Variants in ABCA4 observed in about 807,000 individuals in gnomAD.
The protein encoded by ABCA4 is retinal-specific phospholipid-transporting ATPase ABCA4.
ABCA4 carries 196 observed loss-of-function variants against 263.7 expected under a neutral mutation model. That is an observed-to-expected ratio of 0.74 (90% confidence interval 0.66 to 0.84). The LOEUF (loss-of-function observed/expected upper bound fraction) is 0.84. Among genes scored for constraint, ABCA4 ranks in the 40% least tolerant of loss-of-function variants. The pLI is 0.00. For synonymous variants in ABCA4, 1,133 were observed against 1,094.2 expected, an observed-to-expected ratio of 1.04 and a Z score of -0.70; for missense variants, 2,792 against 2,855.1, an observed-to-expected ratio of 0.98 and a Z score of 0.50.
intron 1 of ABCA4, among the ~76,000 whole-genome samples, chr1:94,113,890 G>T (rs1662675683): frequency 6.6e-6 from 1 of 152,250 alleles, no homozygotes; most frequent in African/African-American, 2.4e-5. Flanking sequence ...AGATCCAGTG[G>T]CTGTGGCAGT....
rs767421503 is a variant in ABCA4 at position 94,041,451 on chromosome 1, A to C, written c.3329-49T>G. On this transcript the variant is annotated intron_variant, in intron 22 of 49. Coordinates refer to ENST00000370225, the MANE Select transcript of ABCA4 (RefSeq NM_000350.3). ...TCACCAGGCCTGCCCTGGGTTGGGC[A>C]TTGTTGGTAAAGGGTGTACAGCAAT... 1.6e-4 allele frequency: 259 copies of C among 1,603,778 alleles called. 1 individual carries two copies. Among genetic ancestry groups the C allele is most frequent in the Non-Finnish European group, 2.1e-4 (246 of 1,172,424 alleles).
At chr1:94,112,355 G>A (rs919186087) in intron 2 of ABCA4, among the ~76,000 whole-genome samples, 19 of 152,000 alleles carry the variant, frequency 1.3e-4, no homozygotes, top group African/African-American at 3.6e-4. Flanking sequence ...AAATATTTTC[G>A]AGAACTCATC....
At chr1:94,105,464 C>T (rs555796327) in intron 4 of ABCA4, among the ~76,000 whole-genome samples, 35 of 152,188 alleles carry the variant, frequency 2.3e-4, no homozygotes, top group African/African-American at 7.7e-4. Context: ...CTGAGGAGGG[C>T]GGGGGCCCAG....
chr1:94,080,760 G>C, intron 7 of ABCA4, 42 bp from the exon 8 acceptor site: 1 of 1,613,852 alleles, frequency 6.2e-7, no homozygotes, highest in Non-Finnish European at 8.5e-7. Flanking sequence ...AAGGCAGCTA[G>C]AGTCATAATC....
intron 14 of ABCA4, 27 bp from the exon 15 acceptor site, chr1:94,056,849 A>G: frequency 6.4e-7 from 1 of 1,557,754 alleles, no homozygotes; most frequent in Non-Finnish European, 8.7e-7. Flanking sequence ...ATGCGTCAGT[A>G]ACTCCTGCCC....
chr1:94,107,712 C>T (rs1285336650), intron 4 of ABCA4, among the ~76,000 whole-genome samples: 3 of 152,194 alleles, frequency 2.0e-5, no homozygotes, highest in African/African-American at 4.8e-5. Flanking sequence ...CTTCCCCTCA[C>T]CATGCACCTG....
At position 94,062,595 on chromosome 1, in the gene ABCA4, G is replaced by A. The variant is rs760790294; in HGVS notation, c.1919C>T (p.Pro640Leu). Residue 640 changes from proline (P) to leucine (L), a missense_variant, in exon 13 of 50, where the codon CCC (proline) becomes CTC (leucine). Physicochemically the swap from Pro to Leu is moderately conservative, Grantham distance 98. Coordinates refer to ENST00000370225, the MANE Select transcript of ABCA4 (RefSeq NM_000350.3). ...GACTCACGAATCGTCCACGAAGCAG[G>A]GGTAGGGCATCTGCTGGAGGTAGAT... is the stretch of plus-strand genomic sequence containing the variant. ...VGIYLQQMPY[P>L]CFVDDSFMII... is the part of the protein sequence containing the mutation. 1 of 1,614,190 alleles carries A rather than the reference G, an allele frequency of 6.2e-7. No homozygotes were observed. The highest frequency in any genetic ancestry group is 8.5e-7 in the Non-Finnish European group (1 of 1,180,028).
chr1:94,118,807 G>C (rs542877350), intron 1 of ABCA4, among the ~76,000 whole-genome samples: 2 of 152,310 alleles, frequency 1.3e-5, no homozygotes, highest in Admixed American at 6.5e-5. Context: ...CCATGCCAGC[G>C]AAAGGCCAGA....
chr1:94,111,854 C>A (rs1889405), intron 2 of ABCA4, among the ~76,000 whole-genome samples: 2 of 151,900 alleles, frequency 1.3e-5, no homozygotes, highest in Non-Finnish European at 1.5e-5. Flanking sequence ...AGGGGGGACA[C>A]GTCATTTTGT....
At position 94,010,978 on chromosome 1, in the gene ABCA4, C is replaced by T. The variant is rs1659530213; in HGVS notation, c.5585-49G>A. On this transcript the variant is annotated intron_variant, in intron 39 of 49. Coordinates refer to ENST00000370225, the MANE Select transcript of ABCA4 (RefSeq NM_000350.3). ...CCACTTCAGCCGCCCCAGCTCACCC[C>T]ACAGACCTGGCCACAGCACAGGGCC... is the stretch of plus-strand genomic sequence containing the variant. The T allele has an allele frequency of 3.7e-6, 6 of 1,613,728 alleles. No individual in the cohort carries two copies. In the East Asian group the frequency reaches 1.3e-4, roughly 36 times the overall value.
chr1:94,043,496 G>T, intron 20 of ABCA4, 21 bp from the exon 21 acceptor site: 2 of 1,614,078 alleles, frequency 1.2e-6, no homozygotes, highest in Non-Finnish European at 8.5e-7. Context: ...GGGACAACGA[G>T]AAAAGCAGTG....
rs764162896 is a variant in ABCA4 at position 94,032,050 on chromosome 1, T to TGAGA, written c.3863-11_3863-8dup. The TGAGA allele has an allele frequency of 3.5e-5, 56 of 1,608,348 alleles. No homozygotes were observed. In the East Asian group the frequency reaches 1.2e-3, roughly 36 times the overall value. On this transcript the variant is annotated splice_region_variant and splice_polypyrimidine_tract_variant and intron_variant, in intron 26 of 49. Coordinates refer to ENST00000370225, the MANE Select transcript of ABCA4 (RefSeq NM_000350.3). ...CTTTTCTGCTGAGCGCCACCTGTTT[T>TGAGA]GAGAGATTGAATTAATAATTTGGAA...
Position 94,005,339 on chromosome 1 carries a change from G to T in ABCA4, c.6147+102C>A, listed in dbSNP as rs919406821. On this transcript the variant is annotated intron_variant, in intron 44 of 49. Transcript: ENST00000370225. Reference sequence around the variant, plus strand: ...TAAACATTTGTTGGAATGAATGAATGAATAGCACGCTTCAGTTTCTCATCT... The same window carrying T: ...TAAACATTTGTTGGAATGAATGAATTAATAGCACGCTTCAGTTTCTCATCT... 2.6e-5 allele frequency: 38 copies of T among 1,439,652 alleles called. No individual in the cohort carries two copies. In the Admixed American group the frequency reaches 2.9e-4, roughly 11 times the overall value. 89.2% of individuals were successfully genotyped at this position (1,439,652 alleles called of 1,614,324 possible).
intron 44 of ABCA4, among the ~76,000 whole-genome samples, chr1:94,004,295 C>T (rs1384714661): frequency 5.3e-5 from 8 of 152,224 alleles, no homozygotes; most frequent in Admixed American, 1.3e-4. Context: ...CCTCACAGTT[C>T]TTTCTTGCTT....
intron 6 of ABCA4, among the ~76,000 whole-genome samples, chr1:94,092,540 A>G (rs557207598): frequency 3.3e-5 from 5 of 152,276 alleles, no homozygotes; most frequent in African/African-American, 9.6e-5. Flanking sequence ...TTCAGACTCA[A>G]TCACTGGGGG....
rs568792949 is a variant in ABCA4 at position 94,029,465 on chromosome 1, C to T, written c.4519G>A (p.Gly1507Arg). Reference sequence around the variant, plus strand: ...GGTACCTGGGGGGGCGGGAGGCCCCCGGCACCCTCGGGGCACTCTGGCAGC... The same window carrying T: ...GGTACCTGGGGGGGCGGGAGGCCCCTGGCACCCTCGGGGCACTCTGGCAGC... ...TMLPECPEGA[G>R]GLPPPQRTQR... Residue 1507 changes from glycine to arginine, a missense_variant, in exon 30 of 50, where the codon GGG becomes AGG. Coordinates refer to ENST00000370225, the MANE Select transcript of ABCA4 (RefSeq NM_000350.3). 3.3e-5 allele frequency: 51 copies of T among 1,561,378 alleles called. No individual in the cohort carries two copies. The Admixed American group carries it at 5.4e-4, about 16-fold the overall frequency.
chr1:94,072,474 C>A (rs2101092471), intron 11 of ABCA4, among the ~76,000 whole-genome samples: 1 of 152,210 alleles, frequency 6.6e-6, no homozygotes, highest in Non-Finnish European at 1.5e-5. Context: ...CTGTGCCAGG[C>A]CTAACCTTTT....
intron 4 of ABCA4, among the ~76,000 whole-genome samples, chr1:94,103,604 A>C (rs1343016284): frequency 1.3e-5 from 2 of 152,130 alleles, no homozygotes; most frequent in African/African-American, 4.8e-5. Context: ...CACACAAAGG[A>C]TTATCTAGCC....
At chr1:93,993,991 C>T (rs978229450) in intron 49 of ABCA4, among the ~76,000 whole-genome samples, 1 of 152,126 alleles carries the variant, frequency 6.6e-6, no homozygotes, top group Admixed American at 6.6e-5. Context: ...AAGAGGATGA[C>T]TAACACAGTT....
Sources: gnomAD v4.1 joint callset for allele counts (sites outside exome capture counted in the v4.1 genomes callset) on GRCh38, gnomAD v4.1.1 for gene constraint, MANE v1.5 for transcripts, NCBI Gene and HGNC (gene_info 2026-07-23, HGNC 2026-07-21) for gene names.